GARIN1A: variants seen among roughly 807,000 people sequenced by gnomAD.
The protein encoded by GARIN1A is Golgi-associated RAB2 interactor protein 1A.
At chr7:128,675,257 G>A in the GARIN1A span, among the ~76,000 whole-genome samples, 2 of 152,138 alleles carry the variant, frequency 1.3e-5, no homozygotes, top group South Asian at 4.1e-4. Context: ...CAAGCTGTCT[G>A]GGTCTTCCCC....
chr7:128,702,379 A>G, the GARIN1A span, among the ~76,000 whole-genome samples: 1 of 152,224 alleles, frequency 6.6e-6, no homozygotes, highest in Non-Finnish European at 1.5e-5. Flanking sequence ...CAGAAAAGAC[A>G]GGAGGGAGAT....
At chr7:128,680,075 C>T in the GARIN1A span, 35 of 1,582,700 alleles carry the variant, frequency 2.2e-5, no homozygotes, top group East Asian at 1.6e-4. Context: ...GCGAGCCCCT[C>T]GTGCTGCTGG....
chr7:128,683,049 C>A, the GARIN1A span: 1 of 1,611,134 alleles, frequency 6.2e-7, no homozygotes, highest in African/African-American at 1.3e-5. Flanking sequence ...TTTGAATATA[C>A]CCATGAGAGC....
the GARIN1A span, among the ~76,000 whole-genome samples, chr7:128,693,131 A>C: frequency 6.6e-6 from 1 of 152,254 alleles, no homozygotes; most frequent in Non-Finnish European, 1.5e-5. Context: ...TTGGGGATAC[A>C]GATAATTTTC....
the GARIN1A span, chr7:128,685,670 G>A: frequency 6.6e-6 from 1 of 152,218 alleles, no homozygotes; most frequent in African/African-American, 2.4e-5. Flanking sequence ...TGGTGCTGGT[G>A]AGGGACATCT....
chr7:128,683,023 T>C, the GARIN1A span: 1 of 1,610,582 alleles, frequency 6.2e-7, no homozygotes, highest in Non-Finnish European at 8.5e-7. Flanking sequence ...CCCTCTCCAG[T>C]GGCATCTCCA....
At chr7:128,676,677 G>GA in the GARIN1A span, among the ~76,000 whole-genome samples, 43 of 149,828 alleles carry the variant, frequency 2.9e-4, no homozygotes, top group East Asian at 4.5e-3. Flanking sequence ...TGCTGAGATT[G>GA]AAAAAAAAAT....
chr7:128,688,260 T>A, the GARIN1A span, among the ~76,000 whole-genome samples: 1 of 152,192 alleles, frequency 6.6e-6, no homozygotes, highest in Non-Finnish European at 1.5e-5. Context: ...TCTGCCCACC[T>A]CGGCCTCCCA....
chr7:128,706,299 C>T, the GARIN1A span, among the ~76,000 whole-genome samples: 11 of 152,168 alleles, frequency 7.2e-5, no homozygotes, highest in African/African-American at 1.7e-4. Flanking sequence ...CAAGAAATCC[C>T]GGTTCTTTAG....
At chr7:128,688,884 T>C in the GARIN1A span, among the ~76,000 whole-genome samples, 3 of 139,992 alleles carry the variant, frequency 2.1e-5, no homozygotes, top group Admixed American at 7.2e-5. Context: ...CCATCTCTGC[T>C]CACTGCAACC....
the GARIN1A span, among the ~76,000 whole-genome samples, chr7:128,688,766 C>T: frequency 3.7e-5 from 1 of 27,210 alleles, no homozygotes; most frequent in African/African-American, 1.2e-4. Flanking sequence ...GTCCCCCCTC[C>T]CCCTCCCCTC....
the GARIN1A span, chr7:128,677,717 T>C: frequency 6.2e-7 from 1 of 1,613,692 alleles, no homozygotes; most frequent in African/African-American, 1.3e-5. Context: ...TGGTGAAAAT[T>C]CTGCAGAAAG....
chr7:128,702,600 AC>A, the GARIN1A span, among the ~76,000 whole-genome samples: 1 of 152,088 alleles, frequency 6.6e-6, no homozygotes, highest in African/African-American at 2.4e-5. Context: ...ATGATCAATA[AC>A]CCCCCCAAAA....
At chr7:128,708,956 TG>T in the GARIN1A span, 1 of 152,228 alleles carries the variant, frequency 6.6e-6, no homozygotes, top group Admixed American at 6.5e-5. Flanking sequence ...CCCTTGTATC[TG>T]GGTGTGGCCC....
At chr7:128,676,167 A>C in the GARIN1A span, among the ~76,000 whole-genome samples, 11 of 137,952 alleles carry the variant, frequency 8.0e-5, no homozygotes, top group South Asian at 2.6e-4. Context: ...CACCATGCCC[A>C]GCTAATTTTT....
the GARIN1A span, among the ~76,000 whole-genome samples, chr7:128,688,833 G>A: frequency 4.9e-5 from 6 of 122,184 alleles, no homozygotes; most frequent in Admixed American, 9.9e-5. Context: ...TCTTTCCACC[G>A]TCTCCCTCTG....
At chr7:128,679,978 C>G in the GARIN1A span, 1 of 1,128,654 alleles carries the variant, frequency 8.9e-7, no homozygotes, top group African/African-American at 1.6e-5. Context: ...CCCGAGGAGG[C>G]CAAGAACTCT....
the GARIN1A span, among the ~76,000 whole-genome samples, chr7:128,707,954 A>C: frequency 3.0e-3 from 313 of 102,894 alleles, no homozygotes; most frequent in African/African-American, 8.5e-3. Flanking sequence ...TCCCTTCCTT[A>C]CTTCCTTCCT....
the GARIN1A span, among the ~76,000 whole-genome samples, chr7:128,673,186 C>T: frequency 6.6e-6 from 1 of 152,214 alleles, no homozygotes. Flanking sequence ...AGTAAGCACA[C>T]ACTAAACATC....
Sources: gnomAD v4.1 joint callset for allele counts (sites outside exome capture counted in the v4.1 genomes callset) on GRCh38, gnomAD v4.1.1 for gene constraint, MANE v1.5 for transcripts, NCBI Gene and HGNC (gene_info 2026-07-23, HGNC 2026-07-21) for gene names.